Variants in STXBP6 observed in about 807,000 individuals in gnomAD.
The protein encoded by STXBP6 is syntaxin binding protein 6, also known as syntaxin-binding protein 6.
STXBP6 carries 21 observed loss-of-function variants against 26.9 expected under a neutral mutation model. That is an observed-to-expected ratio of 0.78 (90% CI 0.55 to 1.12). The LOEUF is 1.12. Among genes scored for constraint, STXBP6 ranks in the 50% most tolerant of loss-of-function variants. STXBP6 has a pLI of 0.00. For synonymous variants in STXBP6, 97 were observed against 92.6 expected, an observed-to-expected ratio of 1.05 and a Z score of -0.27; for missense variants, 232 against 257.9, an observed-to-expected ratio of 0.90 and a Z score of 0.69.
intron 1 of STXBP6, among the ~76,000 whole-genome samples, chr14:25,044,978 A>T (rs1214309237): frequency 1.3e-5 from 2 of 152,208 alleles, no homozygotes; most frequent in Admixed American, 6.5e-5. Context: ...CTACAGCTTA[A>T]AATGTTCTTC....
intron 2 of STXBP6, among the ~76,000 whole-genome samples, chr14:24,879,038 A>G (rs1352597853): frequency 3.3e-5 from 5 of 152,208 alleles, no homozygotes; most frequent in African/African-American, 1.2e-4. Flanking sequence ...ATGATAAAAA[A>G]TACATGAATT....
At chr14:25,039,732 AG>A (rs1194432805) in intron 1 of STXBP6, among the ~76,000 whole-genome samples, 2 of 146,588 alleles carry the variant, frequency 1.4e-5, no homozygotes, top group Non-Finnish European at 3.0e-5. Flanking sequence ...TTTGAGACGG[AG>A]TCTCGCTCTG....
chr14:24,944,918 CAAT>C (rs2072927939), intron 2 of STXBP6, among the ~76,000 whole-genome samples: 1 of 152,008 alleles, frequency 6.6e-6, no homozygotes, highest in Non-Finnish European at 1.5e-5. Flanking sequence ...CACTAGCAAA[CAAT>C]AAGATCTCAG....
At chr14:25,010,821 T>C (rs1194541355) in intron 1 of STXBP6, among the ~76,000 whole-genome samples, 4 of 150,944 alleles carry the variant, frequency 2.6e-5, no homozygotes, top group Non-Finnish European at 6.0e-5. Flanking sequence ...GTGACAAACA[T>C]GAAAGAAAAC....
chr14:24,887,869 C>T (rs1326479516), intron 2 of STXBP6, among the ~76,000 whole-genome samples: 1 of 152,156 alleles, frequency 6.6e-6, no homozygotes, highest in African/African-American at 2.4e-5. Context: ...TGATGCAAGT[C>T]CTACTAGCAG....
At chr14:25,041,784 A>G (rs1283591175) in intron 1 of STXBP6, among the ~76,000 whole-genome samples, 2 of 152,182 alleles carry the variant, frequency 1.3e-5, no homozygotes, top group Non-Finnish European at 2.9e-5. Context: ...CTTCAACCCA[A>G]ATATCTTATC....
chr14:24,844,117 C>G (rs1306657681), intron 4 of STXBP6, among the ~76,000 whole-genome samples: 1 of 152,134 alleles, frequency 6.6e-6, no homozygotes, highest in Non-Finnish European at 1.5e-5. Flanking sequence ...CCAGTAGAAG[C>G]CCCTAAATGA....
intron 2 of STXBP6, among the ~76,000 whole-genome samples, chr14:24,901,873 G>C (rs1227300724): frequency 6.6e-6 from 1 of 152,116 alleles, no homozygotes; most frequent in African/African-American, 2.4e-5. Flanking sequence ...TGACTGGAAA[G>C]GGGAATAAAA....
intron 1 of STXBP6, among the ~76,000 whole-genome samples, chr14:25,047,036 T>TG (rs1318368599): frequency 6.6e-6 from 1 of 152,212 alleles, no homozygotes; most frequent in Non-Finnish European, 1.5e-5. Flanking sequence ...CTGGGTAAGC[T>TG]GTCCATTCGG....
chr14:24,823,822 AT>A (rs2068208396), intron 4 of STXBP6, among the ~76,000 whole-genome samples: 1 of 152,220 alleles, frequency 6.6e-6, no homozygotes, highest in Admixed American at 6.5e-5. Context: ...AATGTGTAAA[AT>A]AGATATGGGT....
rs1291520053 is a variant in STXBP6 at position 24,810,922 on chromosome 14, A to C, written c.*1787T>G. The C allele has an allele frequency of 7.1e-6, 1 of 141,686 alleles. No homozygotes were observed. The highest frequency in any genetic ancestry group is 1.5e-5 in the Non-Finnish European group (1 of 65,338). The allele number at this position is 141,686 out of a possible 1,614,324, so 8.8% of individuals were successfully genotyped here. ...GTGTGCATTCTGAACTGAGATCTGCAAACAAAATCTATTTGGAGTGATATT... is the reference window on the plus strand; with the variant it reads ...GTGTGCATTCTGAACTGAGATCTGCCAACAAAATCTATTTGGAGTGATATT... On this transcript the variant is annotated 3_prime_UTR_variant, in exon 6 of 6. Transcript: ENST00000323944.
chr14:24,986,837 T>C (rs1165644191), intron 1 of STXBP6, among the ~76,000 whole-genome samples: 1 of 152,208 alleles, frequency 6.6e-6, no homozygotes, highest in Non-Finnish European at 1.5e-5. Flanking sequence ...CATTCAATGG[T>C]GAAATCTCCA....
rs1440310519 is a variant in STXBP6 at position 25,049,504 on chromosome 14, C to T, written c.-33+374G>A. On this transcript the variant is annotated intron_variant, in intron 1 of 5. Transcript: ENST00000323944. The surrounding 1 kb of genome is among the most constrained non-coding windows in gnomAD (Gnocchi z 5.6). Reference sequence around the variant, plus strand: ...CTCCCCCACACTGGGAGCCTCGGGGCAGCATTCTCGGGGCCCATGCCATCG... The same window carrying T: ...CTCCCCCACACTGGGAGCCTCGGGGTAGCATTCTCGGGGCCCATGCCATCG... 9.7e-5 allele frequency: 96 copies of T among 985,442 alleles called. No individual in the cohort carries two copies. Among genetic ancestry groups the T allele is most frequent in the Non-Finnish European group, 2.4e-5 (20 of 829,980 alleles). 61.0% of individuals were successfully genotyped at this position (985,442 alleles called of 1,614,324 possible).
intron 1 of STXBP6, chr14:24,995,028 A>C (rs2074566910): frequency 1.3e-5 from 2 of 155,950 alleles, no homozygotes; most frequent in South Asian, 2.0e-4. Flanking sequence ...AAAAAAAAAA[A>C]AACCACACAC....
At chr14:24,916,528 T>C (rs1011139621) in intron 2 of STXBP6, among the ~76,000 whole-genome samples, 3 of 152,260 alleles carry the variant, frequency 2.0e-5, no homozygotes, top group East Asian at 1.9e-4. Context: ...TTAATCTCTA[T>C]CTGATTGCAG....
chr14:24,813,071 T>C (rs555826392), intron 5 of STXBP6, among the ~76,000 whole-genome samples: 5 of 152,168 alleles, frequency 3.3e-5, no homozygotes, highest in African/African-American at 9.7e-5. Flanking sequence ...ACCCTAGGAA[T>C]AGCTGGGGTT....
chr14:25,043,301 C>T (rs1022156764), intron 1 of STXBP6, among the ~76,000 whole-genome samples: 8 of 152,066 alleles, frequency 5.3e-5, no homozygotes, highest in African/African-American at 1.2e-4. Flanking sequence ...CAAGGATAAA[C>T]GAATAATCCA....
intron 1 of STXBP6, among the ~76,000 whole-genome samples, chr14:25,008,501 C>G (rs1475395833): frequency 6.6e-6 from 1 of 152,168 alleles, no homozygotes; most frequent in Non-Finnish European, 1.5e-5. Flanking sequence ...AAGAGTTCGT[C>G]TTTCCAAATG....
chr14:24,971,906 T>C (rs1279133013), intron 2 of STXBP6, among the ~76,000 whole-genome samples: 4 of 152,246 alleles, frequency 2.6e-5, no homozygotes, highest in Non-Finnish European at 5.9e-5. Flanking sequence ...CCACGGAACA[T>C]AGAATGCTTG....
Sources: gnomAD v4.1 joint callset for allele counts (sites outside exome capture counted in the v4.1 genomes callset) on GRCh38, gnomAD v4.1.1 for gene constraint, Gnocchi (gnomAD v3.1) non-coding constraint, MANE v1.5 for transcripts, NCBI Gene and HGNC (gene_info 2026-07-23, HGNC 2026-07-21) for gene names.